NEBL: variants seen among roughly 807,000 people sequenced by gnomAD.
NEBL encodes nebulette, also known as LIM and SH3 protein 2.
In NEBL, 122 loss-of-function variants were observed where a neutral mutation model predicts 140.2. The ratio of observed to expected loss-of-function variants is 0.87; its 90% CI spans 0.75 to 1.01. The LOEUF (loss-of-function observed/expected upper bound fraction) is 1.01. Among genes scored for constraint, NEBL ranks in the 50% least tolerant of loss-of-function variants. NEBL has a pLI of 0.00. For synonymous variants in NEBL, 436 were observed against 398.9 expected (o/e 1.09, Z -1.11); for missense variants, 1,365 against 1,231.3 (o/e 1.11, Z -1.62).
At chr10:21,037,070 C>A (rs2131820809) in intron 2 of NEBL, among the ~76,000 whole-genome samples, 1 of 152,308 alleles carries the variant, frequency 6.6e-6, no homozygotes, top group South Asian at 2.1e-4. Flanking sequence ...AGCCCACAGT[C>A]AGCATTCCCA....
chr10:20,894,685 C>G (rs1052510899), intron 2 of NEBL, among the ~76,000 whole-genome samples: 3 of 148,012 alleles, frequency 2.0e-5, no homozygotes, highest in Non-Finnish European at 4.5e-5. Context: ...GAGGCCGAGG[C>G]GGGCAGATCA....
chr10:21,277,830 T>C (rs1045977737), intron 1 of NEBL, among the ~76,000 whole-genome samples: 1 of 152,164 alleles, frequency 6.6e-6, no homozygotes, highest in African/African-American at 2.4e-5. Flanking sequence ...TCTTTCTTTC[T>C]TTTTTAAGAG....
intron 2 of NEBL, among the ~76,000 whole-genome samples, chr10:21,082,756 G>T (rs1031845597): frequency 1.1e-5 from 1 of 94,630 alleles, no homozygotes; most frequent in Non-Finnish European, 2.3e-5. Context: ...ATGCAGGAGG[G>T]ATGCATTTTT....
intron 3 of NEBL, among the ~76,000 whole-genome samples, chr10:21,185,576 C>T (rs1841452841): frequency 7.3e-6 from 1 of 136,820 alleles, no homozygotes; most frequent in Non-Finnish European, 1.5e-5. Context: ...CAGCTCACCA[C>T]AACCCTCCAT....
intron 3 of NEBL, among the ~76,000 whole-genome samples, chr10:21,006,170 C>G (rs1838131521): frequency 6.6e-6 from 1 of 152,292 alleles, no homozygotes; most frequent in East Asian, 1.9e-4. Flanking sequence ...CAAAATGTAA[C>G]TCACTATTCT....
At position 21,205,437 on chromosome 10, in the gene NEBL, C is replaced by T. The variant is rs538697018; in HGVS notation, n.349-32960G>A. On this transcript the variant is annotated intron_variant and non_coding_transcript_variant, in intron 3 of 8. Coordinates refer to the NEBL transcript ENST00000675702. ...GTCCAAAATCAAGAGAATATTTAAA[C>T]AAATTACAGTGTATCTTTAGTGGAA... Among the ~76,000 whole-genome samples the T allele has an allele frequency of 1.3e-3, 191 of 152,092 alleles. 3 individuals carry two copies. The highest frequency in any genetic ancestry group is 3.4e-4 in the Non-Finnish European group (23 of 67,980).
intron 4 of NEBL, among the ~76,000 whole-genome samples, chr10:20,952,671 G>A (rs546449751): frequency 4.6e-5 from 7 of 151,932 alleles, no homozygotes; most frequent in Non-Finnish European, 8.8e-5. Flanking sequence ...TTGGGAAGAC[G>A]AGGTGGGCGG....
chr10:20,923,609 G>A (rs1047102221), intron 4 of NEBL, among the ~76,000 whole-genome samples: 4 of 126,982 alleles, frequency 3.2e-5, no homozygotes, highest in African/African-American at 1.2e-4. Flanking sequence ...AACCCGGGAG[G>A]TGGAAATTGC....
chr10:20,919,368 G>A (rs886148739), intron 4 of NEBL, among the ~76,000 whole-genome samples: 1 of 152,180 alleles, frequency 6.6e-6, no homozygotes, highest in African/African-American at 2.4e-5. Context: ...AATAAGGGTA[G>A]CCCATTCATA....
At chr10:20,831,694 C>G (rs1213501959) in intron 14 of NEBL, 111 bp from the exon 15 acceptor site, 9 of 720,410 alleles carry the variant, frequency 1.2e-5, no homozygotes, top group Non-Finnish European at 2.2e-5. Context: ...GAAGTTGAAT[C>G]CTTATTTCTT....
At chr10:21,096,344 T>C (rs1199176739) in intron 2 of NEBL, among the ~76,000 whole-genome samples, 1 of 152,220 alleles carries the variant, frequency 6.6e-6, no homozygotes, top group Non-Finnish European at 1.5e-5. Flanking sequence ...ACAATTTGCA[T>C]ATAAAACTCG....
chr10:21,204,554 C>A (rs1254549334), intron 3 of NEBL, among the ~76,000 whole-genome samples: 2 of 152,178 alleles, frequency 1.3e-5, no homozygotes, highest in African/African-American at 4.8e-5. Flanking sequence ...ACTATACGGG[C>A]CAGAACTTTG....
At position 21,151,716 on chromosome 10, in the gene NEBL, C is replaced by A. The variant is rs181802273; in HGVS notation, c.164+20667G>T. Among the ~76,000 whole-genome samples, 3 of 152,002 alleles carry A rather than the reference C, an allele frequency of 2.0e-5. No homozygotes were observed. The East Asian group carries it at 5.8e-4, about 29-fold the overall frequency. On this transcript the variant is annotated intron_variant, in intron 2 of 6. Transcript: ENST00000417816. ...TTGCTTTTCCCACACGCCCCAGGTT[C>A]ACTCCGTGCCCTTGCTATTCCCTTG...
chr10:21,158,073 G>A (rs1444913996), intron 2 of NEBL, among the ~76,000 whole-genome samples: 1 of 152,210 alleles, frequency 6.6e-6, no homozygotes, highest in South Asian at 2.1e-4. Context: ...ACAAATGTCT[G>A]TTATTTAAGA....
chr10:20,932,854 C>G (rs1302492056), intron 4 of NEBL, among the ~76,000 whole-genome samples: 1 of 152,194 alleles, frequency 6.6e-6, no homozygotes, highest in Non-Finnish European at 1.5e-5. Flanking sequence ...GGGGACTTAT[C>G]CCCCAGTACA....
Position 20,870,385 on chromosome 10 carries a change from A to T in NEBL, c.481-544T>A, listed in dbSNP as rs1287141047. The stretch of plus-strand genomic sequence containing the variant: ...ATGCTACCTAAGAAATAAGACTAAG[A>T]TCAAAGCACAAAACCAATCTTAAAG... On this transcript the variant is annotated intron_variant, in intron 5 of 27. Transcript: ENST00000377122. Among the ~76,000 whole-genome samples the T allele has an allele frequency of 2.6e-5, 4 of 151,906 alleles. No individual in the cohort carries two copies. In the East Asian group the frequency reaches 7.7e-4, roughly 29 times the overall value.
intron 1 of NEBL, among the ~76,000 whole-genome samples, chr10:21,280,389 C>G (rs1842977061): frequency 6.6e-6 from 1 of 152,094 alleles, no homozygotes. Flanking sequence ...TTGTAAGTCC[C>G]TTTAGGAGTT....
intron 3 of NEBL, among the ~76,000 whole-genome samples, chr10:21,247,151 T>C (rs1036433600): frequency 6.6e-5 from 10 of 152,216 alleles, no homozygotes; most frequent in Non-Finnish European, 1.2e-4. Context: ...CCCGCTATGC[T>C]TCCTGTGTAG....
chr10:21,265,487 C>A (rs1192933730), intron 1 of NEBL, among the ~76,000 whole-genome samples: 1 of 152,138 alleles, frequency 6.6e-6, no homozygotes, highest in Non-Finnish European at 1.5e-5. Context: ...ATTTAAGAAG[C>A]CTTAAGTATT....
Sources: gnomAD v4.1 joint callset for allele counts (sites outside exome capture counted in the v4.1 genomes callset) on GRCh38, gnomAD v4.1.1 for gene constraint, MANE v1.5 for transcripts, NCBI Gene and HGNC (gene_info 2026-07-23, HGNC 2026-07-21) for gene names.